The following PTPRG variants were observed in gnomAD, a reference collection of about 807,000 sequenced individuals.
The protein encoded by PTPRG is protein tyrosine phosphatase receptor type G, also known as receptor-type tyrosine-protein phosphatase gamma.
PTPRG carries 102 observed loss-of-function variants against 165.3 expected under a neutral mutation model. The ratio of observed to expected loss-of-function variants is 0.62; its 90% CI spans 0.53 to 0.73. The LOEUF (loss-of-function observed/expected upper bound fraction) is 0.73. PTPRG is among the 30% of genes least tolerant of loss of function. PTPRG has a pLI of 0.00. For missense variants in PTPRG, 1,866 were observed against 1,861.4 expected, an observed-to-expected ratio of 1.00 and a Z score of -0.05; for synonymous variants, 675 against 669.5, an observed-to-expected ratio of 1.01 and a Z score of -0.13.
At chr3:62,040,363 G>A (rs930989920) in intron 4 of PTPRG, among the ~76,000 whole-genome samples, 2 of 152,214 alleles carry the variant, frequency 1.3e-5, no homozygotes, top group Non-Finnish European at 2.9e-5. Flanking sequence ...GGGTAATGAT[G>A]AAGACATGTA....
intron 5 of PTPRG, among the ~76,000 whole-genome samples, chr3:62,106,693 G>T (rs1202703013): frequency 6.6e-6 from 1 of 152,010 alleles, no homozygotes; most frequent in Non-Finnish European, 1.5e-5. Context: ...TGTAGAGATG[G>T]GGTTTCACCA....
In PTPRG at chr3:62,240,346, A is replaced by AAATAC. The variant is rs1259141233; in HGVS notation, c.2376-3459_2376-3455dup. Among the ~76,000 whole-genome samples the AAATAC allele has an allele frequency of 6.6e-6, 1 of 152,098 alleles. No individual in the cohort carries two copies. The highest frequency in any genetic ancestry group is 2.4e-5 in the African/African-American group (1 of 41,402). ...CGAGACTCCATCTCAAAATAAAATA[A>AAATAC]AATACATACTCCCCCAATACCCAGA... On this transcript the variant is annotated intron_variant, in intron 14 of 29. Transcript: ENST00000474889. This position sits in a 1 kb window ranked among gnomAD's most constrained non-coding sequence, Gnocchi z 5.1.
At chr3:61,920,808 AATGT>A (rs2039059372) in intron 2 of PTPRG, among the ~76,000 whole-genome samples, 1 of 152,188 alleles carries the variant, frequency 6.6e-6, no homozygotes, top group African/African-American at 2.4e-5. Context: ...GCATTTTTTA[AATGT>A]ATGTGATTTT....
intron 1 of PTPRG, among the ~76,000 whole-genome samples, chr3:61,605,746 T>G (rs2106858839): frequency 6.6e-6 from 1 of 152,144 alleles, no homozygotes; most frequent in South Asian, 2.1e-4. Flanking sequence ...GTTTTCTAGT[T>G]TTATGTTTGT....
At chr3:61,567,965 CAA>C (rs11451025) in intron 1 of PTPRG, among the ~76,000 whole-genome samples, 28 of 124,244 alleles carry the variant, frequency 2.3e-4, no homozygotes, top group African/African-American at 6.6e-4. Flanking sequence ...GACCCTGCCT[CAA>C]AAAAAAAAAA....
chr3:62,131,626 G>A (rs1703517902), intron 5 of PTPRG, among the ~76,000 whole-genome samples: 1 of 152,164 alleles, frequency 6.6e-6, no homozygotes, highest in Non-Finnish European at 1.5e-5. Context: ...GATGGGGGAA[G>A]CAGGAGCTAT....
At chr3:62,083,366 G>A (rs1432555089) in intron 5 of PTPRG, among the ~76,000 whole-genome samples, 2 of 151,906 alleles carry the variant, frequency 1.3e-5, no homozygotes, top group East Asian at 3.9e-4. Context: ...CTCCCTAAGA[G>A]CTGGGATTAC....
intron 1 of PTPRG, among the ~76,000 whole-genome samples, chr3:61,698,373 C>T (rs2030733732): frequency 6.6e-6 from 1 of 152,168 alleles, no homozygotes; most frequent in South Asian, 2.1e-4. Context: ...CTATTCAACA[C>T]TGCCCTTGTA....
intron 2 of PTPRG, among the ~76,000 whole-genome samples, chr3:61,862,438 A>G (rs1001148992): frequency 2.0e-5 from 3 of 149,094 alleles, no homozygotes; most frequent in South Asian, 2.1e-4. Context: ...CTGGAGTGCA[A>G]TGGCGTGATC....
chr3:61,650,040 A>G (rs1702308009), intron 1 of PTPRG, among the ~76,000 whole-genome samples: 1 of 152,118 alleles, frequency 6.6e-6, no homozygotes, highest in Admixed American at 6.6e-5. Flanking sequence ...GTTTCTCTCG[A>G]TTTCTCCTTG....
chr3:62,059,656 G>A (rs562013012), intron 4 of PTPRG, among the ~76,000 whole-genome samples: 12 of 152,166 alleles, frequency 7.9e-5, no homozygotes, highest in African/African-American at 2.2e-4. Context: ...TGAGAAACAC[G>A]GCAAACCCCA....
intron 2 of PTPRG, among the ~76,000 whole-genome samples, chr3:61,924,791 T>TA (rs1247871681): frequency 6.6e-6 from 1 of 152,208 alleles, no homozygotes; most frequent in African/African-American, 2.4e-5. Flanking sequence ...GTCATTGTAG[T>TA]AAAAAAGCAA....
At chr3:62,088,222 A>T (rs1044015463) in intron 5 of PTPRG, among the ~76,000 whole-genome samples, 2 of 152,234 alleles carry the variant, frequency 1.3e-5, no homozygotes, top group Non-Finnish European at 2.9e-5. Context: ...GCTGCTGAAC[A>T]TCCTGCAGTG....
At chr3:61,742,675 A>G in intron 1 of PTPRG, 1 of 1,605,206 alleles carries the variant, frequency 6.2e-7, no homozygotes, top group African/African-American at 1.3e-5. Flanking sequence ...CACTTTGGCC[A>G]CCATGTTTTC....
At position 62,205,625 on chromosome 3, in the gene PTPRG, T is replaced by G. The variant is rs148554130; in HGVS notation, c.2155+1675T>G. Among the ~76,000 whole-genome samples the G allele has an allele frequency of 1.4e-3, 211 of 152,186 alleles. 1 individual carries two copies. The highest frequency in any genetic ancestry group is 4.8e-3 in the African/African-American group (200 of 41,516). On this transcript the variant is annotated intron_variant, in intron 12 of 29. Transcript: ENST00000474889. ...CATGCAAAGATCCAGGGAGGGGAATTCTGGGCTGCAGGAACAGCAGGTCCA... is the reference window on the plus strand; with the variant it reads ...CATGCAAAGATCCAGGGAGGGGAATGCTGGGCTGCAGGAACAGCAGGTCCA...
chr3:61,796,533 G>T lies in PTPRG; in HGVS notation c.190+47551G>T, dbSNP rs112014157. Among the ~76,000 whole-genome samples, 611 of 152,280 alleles carry T rather than the reference G, an allele frequency of 4.0e-3. 1 individual carries two copies. The highest frequency in any genetic ancestry group is 0.014 in the African/African-American group (577 of 41,564). ...CTAGGAAGGACAAAGTCTGCATGAC[G>T]CTCTGTGGTGCTTTGTGTGCAAGTT... On this transcript the variant is annotated intron_variant, in intron 2 of 29. Transcript: ENST00000474889.
chr3:62,150,839 A>G (rs1053252515), intron 6 of PTPRG, among the ~76,000 whole-genome samples: 8 of 152,256 alleles, frequency 5.3e-5, no homozygotes, highest in South Asian at 2.1e-4. Flanking sequence ...TAACCTTCCA[A>G]TCTTCCAATG....
chr3:62,157,269 G>A, intron 7 of PTPRG, 45 bp downstream of exon 7: 1 of 1,590,022 alleles, frequency 6.3e-7, no homozygotes, highest in Non-Finnish European at 8.6e-7. Flanking sequence ...TACTTGTTTT[G>A]TATTGACTTA....
At chr3:62,196,003 T>C (rs1699953066) in intron 10 of PTPRG, among the ~76,000 whole-genome samples, 2 of 148,428 alleles carry the variant, frequency 1.3e-5, no homozygotes, top group African/African-American at 2.5e-5. Context: ...TTGGCCAGGC[T>C]GGTCTTGAAC....
Sources: allele counts gnomAD v4.1 joint callset (sites outside exome capture counted in the v4.1 genomes callset), GRCh38; gene constraint gnomAD v4.1.1; non-coding constraint Gnocchi (gnomAD v3.1); transcripts MANE v1.5; gene names NCBI Gene and HGNC (gene_info 2026-07-23, HGNC 2026-07-21).